Variants in PTPRJ observed in about 807,000 individuals in gnomAD.
The protein encoded by PTPRJ is receptor-type tyrosine-protein phosphatase eta.
PTPRJ carries 129 observed loss-of-function variants against 141.3 expected under a neutral mutation model. That is an observed-to-expected ratio of 0.91 (90% CI 0.79 to 1.06). The LOEUF (loss-of-function observed/expected upper bound fraction) is 1.06. Among genes scored for constraint, PTPRJ ranks in the 50% least tolerant of loss-of-function variants. The probability of loss-of-function intolerance (pLI) is 0.00; values close to 1 mark genes in which losing one functional copy is unlikely to be tolerated. For missense variants in PTPRJ, 1,601 were observed against 1,679.7 expected, an observed-to-expected ratio of 0.95 and a Z score of 0.82; for synonymous variants, 610 against 640.5, an observed-to-expected ratio of 0.95 and a Z score of 0.72.
intron 1 of PTPRJ, among the ~76,000 whole-genome samples, chr11:48,013,914 G>A (rs1590404221): frequency 6.6e-6 from 1 of 151,208 alleles, no homozygotes; most frequent in African/African-American, 2.4e-5. Flanking sequence ...TATTCATGTG[G>A]CCCTGGGGGT....
At chr11:48,088,231 C>A (rs565242301) in intron 1 of PTPRJ, among the ~76,000 whole-genome samples, 1 of 152,304 alleles carries the variant, frequency 6.6e-6, no homozygotes, top group East Asian at 1.9e-4. Flanking sequence ...CAATAACATT[C>A]CTTTACAACG....
At chr11:47,985,845 C>T (rs868595266) in intron 1 of PTPRJ, among the ~76,000 whole-genome samples, 91 of 152,250 alleles carry the variant, frequency 6.0e-4, no homozygotes, top group African/African-American at 2.0e-3. Flanking sequence ...GGATTACAGA[C>T]GTGCGCTACC....
intron 1 of PTPRJ, among the ~76,000 whole-genome samples, chr11:48,009,045 A>G (rs897975309): frequency 1.3e-5 from 2 of 152,200 alleles, no homozygotes; most frequent in African/African-American, 4.8e-5. Flanking sequence ...AAGTCACACA[A>G]TGAGTGGTAT....
chr11:47,993,567 A>G (rs1469760351), intron 1 of PTPRJ, among the ~76,000 whole-genome samples: 1 of 152,078 alleles, frequency 6.6e-6, no homozygotes, highest in African/African-American at 2.4e-5. Context: ...TGCTGGGGCT[A>G]TAGGGCTGAG....
chr11:48,043,302 G>T (rs974675999), intron 1 of PTPRJ, among the ~76,000 whole-genome samples: 2 of 152,124 alleles, frequency 1.3e-5, no homozygotes, highest in Non-Finnish European at 2.9e-5. Context: ...CTGCAGCTTC[G>T]AACAGGGCAC....
chr11:48,035,958 C>A (rs556280092), intron 1 of PTPRJ, among the ~76,000 whole-genome samples: 1 of 152,306 alleles, frequency 6.6e-6, no homozygotes, highest in Admixed American at 6.5e-5. Flanking sequence ...GTTACTACCC[C>A]ATTTGGGGTT....
chr11:48,016,590 G>T (rs1437683369), intron 1 of PTPRJ, among the ~76,000 whole-genome samples: 2 of 152,168 alleles, frequency 1.3e-5, no homozygotes, highest in African/African-American at 2.4e-5. Context: ...GTGCATATGG[G>T]GAAGTCACTT....
At chr11:48,006,699 A>T (rs1237669193) in intron 1 of PTPRJ, among the ~76,000 whole-genome samples, 1 of 152,136 alleles carries the variant, frequency 6.6e-6, no homozygotes, top group Non-Finnish European at 1.5e-5. Context: ...CTTAAAGGTC[A>T]CCCAGTGTCC....
intron 1 of PTPRJ, among the ~76,000 whole-genome samples, chr11:48,071,345 C>G (rs943706229): frequency 8.6e-5 from 13 of 151,630 alleles, no homozygotes; most frequent in Non-Finnish European, 1.5e-4. Flanking sequence ...GAGATGGAGT[C>G]TCACTCTTCT....
At position 47,991,097 on chromosome 11, in the gene PTPRJ, C is replaced by T. The variant is rs1854182893; in HGVS notation, c.96+10089C>T. On this transcript the variant is annotated intron_variant, in intron 1 of 24. Coordinates refer to ENST00000418331, the MANE Select transcript of PTPRJ (RefSeq NM_002843.4). ...TATTATATATACACACACAGACACA[C>T]GCAAATGTATTAAAATGTATAATAT... Among the ~76,000 whole-genome samples the T allele has an allele frequency of 2.6e-5, 4 of 152,214 alleles. No homozygotes were observed. The Middle Eastern group carries it at 0.01, about 388-fold the overall frequency.
chr11:48,075,767 T>C (rs1466499086), intron 1 of PTPRJ, among the ~76,000 whole-genome samples: 1 of 152,190 alleles, frequency 6.6e-6, no homozygotes, highest in Non-Finnish European at 1.5e-5. Context: ...CCAGATGTTA[T>C]GTCCCTTCCC....
At chr11:48,044,463 C>G (rs1319510715) in intron 1 of PTPRJ, among the ~76,000 whole-genome samples, 2 of 152,146 alleles carry the variant, frequency 1.3e-5, no homozygotes, top group East Asian at 1.9e-4. Flanking sequence ...CAGCAGGACT[C>G]TAAGGGATCT....
At chr11:48,089,260 T>G (rs553723735) in intron 1 of PTPRJ, among the ~76,000 whole-genome samples, 1 of 152,288 alleles carries the variant, frequency 6.6e-6, no homozygotes, top group East Asian at 1.9e-4. Context: ...CTCACGCCTA[T>G]AATCCCAGAA....
rs969001259 is a variant in PTPRJ at position 48,170,091 on chromosome 11, G to C, written c.*2729G>C. The C allele has an allele frequency of 1.3e-5, 2 of 152,322 alleles. No homozygotes were observed. Among genetic ancestry groups the C allele is most frequent in the South Asian group, 2.1e-4 (1 of 4,820 alleles). The allele number at this position is 152,322 out of a possible 1,614,324, so 9.4% of individuals were successfully genotyped here. ...CAGGAACAATGAGCTCAAATTGGAA[G>C]AGTCCAGTGGAATCGGGGGGATGGT... is the stretch of plus-strand genomic sequence containing the variant. On this transcript the variant is annotated 3_prime_UTR_variant, in exon 25 of 25. Coordinates refer to ENST00000418331, the MANE Select transcript of PTPRJ (RefSeq NM_002843.4).
At chr11:48,090,983 A>G (rs532151235) in intron 1 of PTPRJ, among the ~76,000 whole-genome samples, 3 of 152,254 alleles carry the variant, frequency 2.0e-5, no homozygotes, top group Admixed American at 1.3e-4. Context: ...GTGCTTCTCA[A>G]ACCCAAGGCT....
At chr11:47,996,514 A>G (rs1268973425) in intron 1 of PTPRJ, among the ~76,000 whole-genome samples, 1 of 152,142 alleles carries the variant, frequency 6.6e-6, no homozygotes, top group South Asian at 2.1e-4. Flanking sequence ...TGGAAATGTC[A>G]CTGCATCTGT....
intron 1 of PTPRJ, among the ~76,000 whole-genome samples, chr11:48,053,299 AAT>A (rs1203869594): frequency 1.3e-3 from 118 of 91,960 alleles, no homozygotes; most frequent in Non-Finnish European, 1.8e-3. Context: ...AAATATATAA[AAT>A]ATATAAATAT....
At chr11:48,053,474 A>ATTATATATTATATATAATATAT (rs1565278735) in intron 1 of PTPRJ, among the ~76,000 whole-genome samples, 1 of 118,266 alleles carries the variant, frequency 8.5e-6, no homozygotes, top group African/African-American at 3.4e-5. Context: ...TATAATATAT[A>ATTATATATTATATATAATATAT]AAAAATATAT....
intron 1 of PTPRJ, among the ~76,000 whole-genome samples, chr11:48,020,278 T>C (rs140275541): frequency 8.5e-4 from 129 of 152,300 alleles, no homozygotes; most frequent in African/African-American, 2.8e-3. Flanking sequence ...GGTAGGCAAA[T>C]GTCAGAACCC....
Sources: gnomAD v4.1 joint callset for allele counts (sites outside exome capture counted in the v4.1 genomes callset) on GRCh38, gnomAD v4.1.1 for gene constraint, MANE v1.5 for transcripts, NCBI Gene and HGNC (gene_info 2026-07-23, HGNC 2026-07-21) for gene names.